Variants in ZNF567 observed in about 807,000 individuals in gnomAD.
ZNF567 encodes zinc finger protein 567.
In ZNF567, 36 loss-of-function variants were observed where a neutral mutation model predicts 53.9. The observed-to-expected ratio is 0.67, with a 90% CI of 0.51 to 0.88. ZNF567 has a LOEUF of 0.88. Among genes scored for constraint, ZNF567 ranks in the 40% least tolerant of loss-of-function variants. ZNF567 has a pLI of 0.00. For synonymous variants in ZNF567, 224 were observed against 260.4 expected (o/e 0.86, Z 1.35); for missense variants, 619 against 764.7 (o/e 0.81, Z 2.25).
At chr19:36,705,416 T>C (rs1302114311) in intron 3 of ZNF567, among the ~76,000 whole-genome samples, 1 of 152,300 alleles carries the variant, frequency 6.6e-6, no homozygotes, top group African/African-American at 2.4e-5. Flanking sequence ...ATTTTCTAAT[T>C]TTCTCATGTT....
chr19:36,686,311 A>C (rs1014658617), upstream of ZNF567: 1 of 152,184 alleles, frequency 6.6e-6, no homozygotes, highest in Non-Finnish European at 1.5e-5. Context: ...ACCTCAAGGC[A>C]AGGGAGAAGG....
chr19:36,727,079 A>T (rs1173798478), downstream of ZNF567: 26 of 111,892 alleles, frequency 2.3e-4, no homozygotes, highest in African/African-American at 7.6e-4. Context: ...TTATTTATTT[A>T]TTTATTTTTT....
rs566140662 is a variant in ZNF567, at chr19:36,709,700, G to T, written c.10-2686G>T. Among the ~76,000 whole-genome samples the T allele has an allele frequency of 1.6e-4, 24 of 152,286 alleles. No individual in the cohort carries two copies. The East Asian group carries it at 4.2e-3, about 27-fold the overall frequency. ...GCTGATCTCAAACTCCTAGCTTCAA[G>T]CAGTCTTCCTGCCTCAGCCCTCCAA... On this transcript the variant is annotated intron_variant, in intron 3 of 5. Transcript: ENST00000682579.
chr19:36,709,388 ATATT>A (rs2039658760), intron 3 of ZNF567, among the ~76,000 whole-genome samples: 1 of 152,200 alleles, frequency 6.6e-6, no homozygotes, highest in South Asian at 2.1e-4. Flanking sequence ...AAGGAAATGA[ATATT>A]TATACTCTTA....
At chr19:36,669,465 C>T in the ZNF567 span, 3 of 152,160 alleles carry the variant, frequency 2.0e-5, no homozygotes, top group African/African-American at 4.8e-5. Context: ...CCCATGGATA[C>T]GTTACAGTGG....
At position 36,719,458 on chromosome 19, in the gene ZNF567, G is replaced by A. The variant is rs1363832264; in HGVS notation, c.734G>A (p.Arg245Lys). 3.1e-6 allele frequency: 5 copies of A among 1,610,420 alleles called. No homozygotes were observed. Among genetic ancestry groups the A allele is most frequent in the Admixed American group, 3.4e-5 (2 of 59,188 alleles). ...CCATCTGTATATAATAAAAAAAGAAGAGCAACCAATATTGAAAAAAAACAT... is the reference window on the plus strand; with the variant it reads ...CCATCTGTATATAATAAAAAAAGAAAAGCAACCAATATTGAAAAAAAACAT... ...ENPSVYNKKRRATNIEKKHTC... is the reference protein window; with the variant it reads ...ENPSVYNKKRKATNIEKKHTC... The change falls in exon 6 of 6, where the codon AGA (arginine) becomes AAA (lysine). Residue 245 changes from arginine (R) to lysine (K), a missense_variant. Transcript: ENST00000682579.
At position 36,705,187 on chromosome 19, in the gene ZNF567, C is replaced by T. The variant is rs552307914; in HGVS notation, c.10-7199C>T. ...TGGATTTCTTCTAGTATTTTTGTTA[C>T]CTCATTTCTCCTCTTTTATTTTGTA... On this transcript the variant is annotated intron_variant, in intron 3 of 5. Transcript: ENST00000682579. Among the ~76,000 whole-genome samples, 3 of 151,964 alleles carry T rather than the reference C, an allele frequency of 2.0e-5. No homozygotes were observed. In the East Asian group the frequency reaches 5.8e-4, roughly 29 times the overall value.
intron 2 of ZNF567, among the ~76,000 whole-genome samples, chr19:36,689,964 G>A (rs2038513778): frequency 1.3e-5 from 2 of 152,146 alleles, no homozygotes; most frequent in South Asian, 4.1e-4. Flanking sequence ...TAAAGGAGGA[G>A]TTTAATGATA....
At chr19:36,684,298 A>C (rs757941306), upstream of ZNF567, among the ~76,000 whole-genome samples, 10 of 152,226 alleles carry the variant, frequency 6.6e-5, no homozygotes, top group Admixed American at 1.3e-4. Flanking sequence ...ATTTGGAATA[A>C]AGTGTTCAAA....
chr19:36,702,199 G>C (rs1197757344), intron 3 of ZNF567, among the ~76,000 whole-genome samples: 2 of 152,006 alleles, frequency 1.3e-5, no homozygotes, highest in African/African-American at 4.8e-5. Context: ...AGTTTGGCTG[G>C]ATATGAAATT....
chr19:36,710,375 C>G (rs562792175), intron 3 of ZNF567, among the ~76,000 whole-genome samples: 41 of 137,158 alleles, frequency 3.0e-4, no homozygotes, highest in Non-Finnish European at 5.3e-4. Flanking sequence ...AGGTTTTATT[C>G]CCCCCACTCC....
At position 36,687,644 on chromosome 19, in the gene ZNF567, G is replaced by A. The variant is rs2038316069; in HGVS notation, c.-168+10G>A. ...CGGCCGGCAACCGAAGGTGAGGCTG[G>A]TGGGTCCCGCGGGCGCGGAGAAGGC... On this transcript the variant is annotated intron_variant, in intron 1 of 5. Coordinates refer to ENST00000682579, the MANE Select transcript of ZNF567 (RefSeq NM_001322917.1). 2 of 152,520 alleles carry A rather than the reference G, an allele frequency of 1.3e-5. No homozygotes were observed. Among genetic ancestry groups the A allele is most frequent in the South Asian group, 2.1e-4 (1 of 4,848 alleles). 9.4% of individuals were successfully genotyped at this position (152,520 alleles called of 1,614,324 possible).
Position 36,719,225 on chromosome 19 carries a change from A to G in ZNF567, c.501A>G (p.Lys167=). 2.5e-6 allele frequency: 4 copies of G among 1,614,034 alleles called. No individual in the cohort carries two copies. The highest frequency in any genetic ancestry group is 1.1e-5 in the South Asian group (1 of 91,068). Residue 167 remains lysine, a synonymous_variant, in exon 6 of 6, where the codon AAA becomes AAG. Transcript: ENST00000682579. ...KRLSEYNGYG[K]SLLSTKQETT... is the part of the protein sequence containing the mutation. ...TTAGTGAGTATAATGGATATGGGAA[A>G]TCACTCCTGAGTACTAAACAAGAGA...
At chr19:36,726,308 T>C (rs2040334850), downstream of ZNF567, among the ~76,000 whole-genome samples, 1 of 152,240 alleles carries the variant, frequency 6.6e-6, no homozygotes, top group African/African-American at 2.4e-5. Context: ...ATTTTCCTGG[T>C]TACAATTATT....
At chr19:36,681,412 T>G in the ZNF567 span, among the ~76,000 whole-genome samples, 12 of 152,100 alleles carry the variant, frequency 7.9e-5, no homozygotes, top group Admixed American at 1.3e-4. Context: ...GGTTTTTGGG[T>G]CTTTCCCTTG....
intron 1 of ZNF567, among the ~76,000 whole-genome samples, chr19:36,688,919 G>A (rs774967066): frequency 3.3e-5 from 5 of 152,092 alleles, no homozygotes; most frequent in Admixed American, 3.3e-4. Flanking sequence ...CCAGCATGGT[G>A]AAACCCCGTC....
intron 3 of ZNF567, among the ~76,000 whole-genome samples, chr19:36,701,575 T>A (rs1001927675): frequency 2.0e-5 from 3 of 152,092 alleles, no homozygotes; most frequent in Non-Finnish European, 4.4e-5. Context: ...TCTTTCTAGG[T>A]CTCTAAGGAC....
chr19:36,674,538 T>C, the ZNF567 span, among the ~76,000 whole-genome samples: 2 of 152,148 alleles, frequency 1.3e-5, no homozygotes, highest in Non-Finnish European at 2.9e-5. Context: ...CAGGGCATTA[T>C]GGCTAATATT....
downstream of ZNF567, chr19:36,727,051 T>TTTTATTTACTTA (rs2040338603): frequency 8.3e-6 from 1 of 120,866 alleles, no homozygotes; most frequent in Non-Finnish European, 1.7e-5. Context: ...AGTAGATCAA[T>TTTTATTTACTTA]TTTATTTATT....
Sources: allele counts gnomAD v4.1 joint callset (sites outside exome capture counted in the v4.1 genomes callset), GRCh38; gene constraint gnomAD v4.1.1; transcripts MANE v1.5; gene names NCBI Gene and HGNC (gene_info 2026-07-23, HGNC 2026-07-21).